The following PDGFD variants were observed in gnomAD, a reference collection of about 807,000 sequenced individuals.
PDGFD encodes platelet-derived growth factor D.
PDGFD carries 30 observed loss-of-function variants against 44.7 expected under a neutral mutation model. The ratio of observed to expected loss-of-function variants is 0.67; its 90% CI spans 0.50 to 0.91. The LOEUF (loss-of-function observed/expected upper bound fraction) is 0.91. Among genes scored for constraint, PDGFD ranks in the 40% least tolerant of loss-of-function variants. PDGFD has a pLI of 0.00. For synonymous variants in PDGFD, 173 were observed against 168.4 expected (o/e 1.03, Z -0.21); for missense variants, 445 against 457.8 (o/e 0.97, Z 0.25).
rs951533019 is a variant in PDGFD, at chr11:104,000,045, A to G, written c.329+6T>C. 4 of 1,611,530 alleles carry G rather than the reference A, an allele frequency of 2.5e-6. No individual in the cohort carries two copies. Among genetic ancestry groups the G allele is most frequent in the Non-Finnish European group, 3.4e-6 (4 of 1,178,982 alleles). On this transcript the variant is annotated splice_donor_region_variant and intron_variant, in intron 2 of 6. Coordinates refer to ENST00000393158, the MANE Select transcript of PDGFD (RefSeq NM_025208.5). ...TAGTACCGTAAAAATTTTTTTCCCA[A>G]CTTACCTACAGATATCATTTTCTGC...
At chr11:103,921,438 C>T (rs186010175) in intron 6 of PDGFD, among the ~76,000 whole-genome samples, 2 of 152,018 alleles carry the variant, frequency 1.3e-5, no homozygotes, top group Admixed American at 1.3e-4. Flanking sequence ...TATTCTTTTA[C>T]CTCAAATCTG....
chr11:103,936,503 G>A, intron 5 of PDGFD, among the ~76,000 whole-genome samples: 1 of 152,152 alleles, frequency 6.6e-6, no homozygotes, highest in Non-Finnish European at 1.5e-5. Context: ...TCTGACTTAA[G>A]AGAACTCAGA....
chr11:103,989,058 A>G (rs1174749854), intron 3 of PDGFD, among the ~76,000 whole-genome samples: 1 of 152,078 alleles, frequency 6.6e-6, no homozygotes, highest in African/African-American at 2.4e-5. Context: ...ACATATTATT[A>G]TCATCATCAG....
At chr11:104,118,425 T>C (rs1235105930) in intron 1 of PDGFD, among the ~76,000 whole-genome samples, 3 of 151,964 alleles carry the variant, frequency 2.0e-5, no homozygotes, top group African/African-American at 7.2e-5. Flanking sequence ...CTTCCCAGCA[T>C]ACAGCTGTGA....
At chr11:104,138,924 G>A (rs1377735171) in intron 1 of PDGFD, among the ~76,000 whole-genome samples, 1 of 152,056 alleles carries the variant, frequency 6.6e-6, no homozygotes, top group Non-Finnish European at 1.5e-5. Context: ...ACCACGTCCA[G>A]CTAATTTTTG....
At chr11:104,161,979 G>A (rs960020338) in intron 1 of PDGFD, among the ~76,000 whole-genome samples, 24 of 150,318 alleles carry the variant, frequency 1.6e-4, no homozygotes, top group African/African-American at 5.4e-4. Flanking sequence ...GTGTGTGTGT[G>A]TACTGTTAAA....
chr11:103,992,210 CAA>C (rs1859466388), intron 3 of PDGFD, among the ~76,000 whole-genome samples: 1 of 152,060 alleles, frequency 6.6e-6, no homozygotes, highest in South Asian at 2.1e-4. Flanking sequence ...TGAAATGAGG[CAA>C]ATTTTATGAA....
intron 6 of PDGFD, among the ~76,000 whole-genome samples, chr11:103,922,544 G>GA (rs1354086883): frequency 7.5e-6 from 1 of 133,686 alleles, no homozygotes; most frequent in Non-Finnish European, 1.7e-5. Flanking sequence ...GAAGAAAGAA[G>GA]AATTCCCCCC....
At chr11:103,933,157 G>C (rs185799670) in intron 5 of PDGFD, among the ~76,000 whole-genome samples, 1 of 152,266 alleles carries the variant, frequency 6.6e-6, no homozygotes, top group Admixed American at 6.5e-5. Context: ...TCCCTTTAAT[G>C]TTGCAGCACC....
intron 3 of PDGFD, among the ~76,000 whole-genome samples, chr11:103,958,787 G>C (rs1417580674): frequency 1.3e-5 from 2 of 152,050 alleles, no homozygotes; most frequent in African/African-American, 4.8e-5. Context: ...CTTCATGGTG[G>C]CCAAAAGCTA....
intron 5 of PDGFD, among the ~76,000 whole-genome samples, chr11:103,938,370 T>A (rs147799622): frequency 0.12 from 18,177 of 152,248 alleles, 2,363 homozygotes; most frequent in African/African-American, 0.32. Flanking sequence ...AAGTGTCTGT[T>A]CATATCCTTC....
At chr11:104,120,526 T>G (rs1861762687) in intron 1 of PDGFD, among the ~76,000 whole-genome samples, 1 of 151,940 alleles carries the variant, frequency 6.6e-6, no homozygotes, top group African/African-American at 2.4e-5. Context: ...CTTTTTGTTA[T>G]TCAATATTAT....
chr11:104,084,805 A>T (rs1308051214), intron 1 of PDGFD, among the ~76,000 whole-genome samples: 1 of 146,468 alleles, frequency 6.8e-6, no homozygotes, highest in African/African-American at 2.5e-5. Context: ...TATATATTTT[A>T]TAAGTATTAT....
intron 1 of PDGFD, among the ~76,000 whole-genome samples, chr11:104,028,716 T>A (rs1860082843): frequency 6.7e-6 from 1 of 149,736 alleles, no homozygotes; most frequent in Non-Finnish European, 1.5e-5. Context: ...AACACTGCAG[T>A]AAGAACATGA....
chr11:104,037,047 G>A, intron 1 of PDGFD: 1 of 1,614,244 alleles, frequency 6.2e-7, no homozygotes, highest in African/African-American at 1.3e-5. Flanking sequence ...TGGTTTTACT[G>A]CAGAAGGACA....
intron 1 of PDGFD, among the ~76,000 whole-genome samples, chr11:104,043,943 C>G (rs148156192): frequency 2.0e-4 from 31 of 152,278 alleles, no homozygotes; most frequent in African/African-American, 4.3e-4. Flanking sequence ...GGAAAAATAT[C>G]TAAACCTTAT....
chr11:103,915,728 C>A (rs957070264), intron 6 of PDGFD, among the ~76,000 whole-genome samples: 1 of 152,140 alleles, frequency 6.6e-6, no homozygotes, highest in Non-Finnish European at 1.5e-5. Flanking sequence ...CTGCATGGTA[C>A]TGGTACCAAA....
At position 103,996,262 on chromosome 11, in the gene PDGFD, A is replaced by T; in HGVS notation, c.330-17T>A. ...AAATCATACCTAGAATCAATTGGAC[A>T]TAATGAACAAGTTTTGATTAAAGTA... On this transcript the variant is annotated splice_polypyrimidine_tract_variant and intron_variant, in intron 2 of 6. Coordinates refer to ENST00000393158, the MANE Select transcript of PDGFD (RefSeq NM_025208.5). 1 of 1,585,444 alleles carries T rather than the reference A, an allele frequency of 6.3e-7. No individual in the cohort carries two copies. The highest frequency in any genetic ancestry group is 8.6e-7 in the Non-Finnish European group (1 of 1,163,766).
rs570808064 is a variant in PDGFD at position 103,996,143 on chromosome 11, C to A, written c.432G>T (p.Thr144=). 8 of 1,613,716 alleles carry A rather than the reference C, an allele frequency of 5.0e-6. No homozygotes were observed. The highest frequency in any genetic ancestry group is 1.7e-4 in the Middle Eastern group (1 of 6,052). Residue 144 remains threonine (T), a synonymous_variant, in exon 3 of 7, where the codon ACG becomes ACT. Coordinates refer to ENST00000393158, the MANE Select transcript of PDGFD (RefSeq NM_025208.5). The stretch of plus-strand genomic sequence containing the variant: ...ACTTGAATGTGATTTTAATTTGGTT[C>A]GTTCTTGATTTTATCCTTGGAGGAA... ...KEVPPRIKSR[T]NQIKITFKSD...
Sources: gnomAD v4.1 joint callset for allele counts (sites outside exome capture counted in the v4.1 genomes callset) on GRCh38, gnomAD v4.1.1 for gene constraint, MANE v1.5 for transcripts, NCBI Gene and HGNC (gene_info 2026-07-23, HGNC 2026-07-21) for gene names.